Variants in PTER observed in about 807,000 individuals in gnomAD.
PTER encodes phosphotriesterase related.
Under a neutral mutation model 29.6 loss-of-function variants are expected in PTER, and 38 were observed. That is an observed-to-expected ratio of 1.28 (90% CI 0.99 to 1.68). The LOEUF is 1.68. Among genes scored for constraint, PTER ranks in the 40% most tolerant of loss-of-function variants. The probability of loss-of-function intolerance (pLI) is 0.00; values close to 1 mark genes in which losing one functional copy is unlikely to be tolerated. For synonymous variants in PTER, 172 were observed against 154.5 expected, an observed-to-expected ratio of 1.11 and a Z score of -0.84; for missense variants, 482 against 427.8, an observed-to-expected ratio of 1.13 and a Z score of -1.12.
At chr10:16,444,222 T>C (rs894064108) in intron 1 of PTER, among the ~76,000 whole-genome samples, 4 of 152,086 alleles carry the variant, frequency 2.6e-5, no homozygotes, top group African/African-American at 9.7e-5. Context: ...TCTCAATCTC[T>C]TGACTCGTGA....
rs955365453 is a variant in PTER, at chr10:16,512,718, A to C, written c.*1462A>C. On this transcript the variant is annotated 3_prime_UTR_variant, in exon 5 of 5. Coordinates refer to ENST00000535784, the MANE Select transcript of PTER (RefSeq NM_001261836.2). Reference sequence around the variant, plus strand: ...GAGAACAAACTAATTCCTTTAAATAAATAAAAAAAAAAAATGCAAATGTCC... The same window carrying C: ...GAGAACAAACTAATTCCTTTAAATACATAAAAAAAAAAAATGCAAATGTCC... The C allele has an allele frequency of 6.6e-6, 1 of 150,876 alleles. No individual in the cohort carries two copies. The highest frequency in any genetic ancestry group is 1.5e-5 in the Non-Finnish European group (1 of 67,464). 9.3% of individuals were successfully genotyped at this position (150,876 alleles called of 1,614,324 possible).
intron 1 of PTER, among the ~76,000 whole-genome samples, chr10:16,460,159 G>A (rs1432545670): frequency 6.6e-6 from 1 of 152,196 alleles, no homozygotes. Context: ...CAGTTAAAGG[G>A]CTTGTTTCGT....
intron 1 of PTER, among the ~76,000 whole-genome samples, chr10:16,460,146 C>G (rs1347598862): frequency 6.6e-6 from 1 of 152,210 alleles, no homozygotes; most frequent in Non-Finnish European, 1.5e-5. Context: ...GGAAAGCACA[C>G]TGCAGTTAAA....
At chr10:16,507,271 GTATA>G (rs990532249) in intron 4 of PTER, among the ~76,000 whole-genome samples, 1 of 151,240 alleles carries the variant, frequency 6.6e-6, no homozygotes, top group South Asian at 2.1e-4. Flanking sequence ...ATGTGTGTGT[GTATA>G]TATATACACA....
intron 3 of PTER, among the ~76,000 whole-genome samples, chr10:16,496,795 G>A (rs1439934098): frequency 1.3e-5 from 2 of 152,124 alleles, no homozygotes; most frequent in Non-Finnish European, 2.9e-5. Context: ...ACAATTTCTT[G>A]TTAAATGGAA....
At chr10:16,510,443 A>T (rs1368466224) in intron 4 of PTER, among the ~76,000 whole-genome samples, 1 of 152,240 alleles carries the variant, frequency 6.6e-6, no homozygotes, top group East Asian at 1.9e-4. Flanking sequence ...CAAAATTGCC[A>T]TAGACTTCAA....
intron 3 of PTER, among the ~76,000 whole-genome samples, chr10:16,497,274 A>T (rs1189880678): frequency 6.6e-6 from 1 of 152,180 alleles, no homozygotes; most frequent in African/African-American, 2.4e-5. Flanking sequence ...ACATTTGTCT[A>T]AATGGTGTCC....
At chr10:16,450,133 A>G (rs1486314955) in intron 1 of PTER, among the ~76,000 whole-genome samples, 2 of 152,270 alleles carry the variant, frequency 1.3e-5, no homozygotes, top group African/African-American at 2.4e-5. Flanking sequence ...AAGTAAAGCA[A>G]TTCTTCTGGA....
Position 16,477,258 on chromosome 10 carries a change from C to CGATAGATGATAGATA in PTER, c.-48-7072_-48-7071insGATAGATAGATAGAT, listed in dbSNP as rs1835304093. 1.1e-4 allele frequency among the ~76,000 whole-genome samples: 16 copies of CGATAGATGATAGATA among 148,002 alleles called. No homozygotes were observed. In the South Asian group the frequency reaches 3.2e-3, roughly 30 times the overall value. ...TGAACTGGAAATTCATTCTGTCTTT[C>CGATAGATGATAGATA]GATAGATAGATAGATAGATAGATAG... On this transcript the variant is annotated intron_variant, in intron 1 of 4. Transcript: ENST00000535784.
At chr10:16,505,305 A>G in intron 4 of PTER, 145 bp downstream of exon 4, 1 of 1,067,442 alleles carries the variant, frequency 9.4e-7, no homozygotes, top group Admixed American at 2.5e-5. Flanking sequence ...ATGCTGTTTC[A>G]GGGAGAAAAA....
intron 1 of PTER, among the ~76,000 whole-genome samples, chr10:16,470,939 A>G (rs551945865): frequency 6.6e-6 from 1 of 151,998 alleles, no homozygotes; most frequent in Non-Finnish European, 1.5e-5. Context: ...ACTTCCCTTC[A>G]CAACACCCCC....
chr10:16,516,900 A>G (rs993489991), downstream of PTER, among the ~76,000 whole-genome samples: 1 of 152,162 alleles, frequency 6.6e-6, no homozygotes, highest in Non-Finnish European at 1.5e-5. Context: ...ATTTTAACCT[A>G]TACTGTACCG....
intron 1 of PTER, among the ~76,000 whole-genome samples, chr10:16,468,636 G>A (rs1436728864): frequency 1.3e-5 from 2 of 152,132 alleles, no homozygotes; most frequent in Non-Finnish European, 2.9e-5. Context: ...AGGCAAAGAT[G>A]TGACTCACCG....
chr10:16,508,684 G>A (rs1836691381), intron 4 of PTER, among the ~76,000 whole-genome samples: 1 of 145,986 alleles, frequency 6.8e-6, no homozygotes, highest in African/African-American at 2.6e-5. Flanking sequence ...ATATAAATCT[G>A]TGTATATATA....
chr10:16,515,611 A>C (rs879577835), downstream of PTER, among the ~76,000 whole-genome samples: 1 of 152,156 alleles, frequency 6.6e-6, no homozygotes, highest in Non-Finnish European at 1.5e-5. Flanking sequence ...CTCATTAGTG[A>C]GTTGATAGAC....
downstream of PTER, chr10:16,514,628 G>T: frequency 6.2e-7 from 1 of 1,613,722 alleles, no homozygotes; most frequent in South Asian, 1.1e-5. Context: ...TTCATCTCCC[G>T]GCTCCAAATG....
At chr10:16,509,234 C>T (rs1836716802) in intron 4 of PTER, among the ~76,000 whole-genome samples, 1 of 152,114 alleles carries the variant, frequency 6.6e-6, no homozygotes, top group African/African-American at 2.4e-5. Context: ...CAGGACGGGG[C>T]AGGTTTTCTT....
chr10:16,509,679 G>C (rs1435045390), intron 4 of PTER, among the ~76,000 whole-genome samples: 2 of 152,108 alleles, frequency 1.3e-5, no homozygotes, highest in African/African-American at 4.8e-5. Context: ...ACTTATCTTA[G>C]ATAATTCCCC....
chr10:16,465,921 A>G (rs946679098), intron 1 of PTER, among the ~76,000 whole-genome samples: 3 of 152,134 alleles, frequency 2.0e-5, no homozygotes, highest in African/African-American at 7.2e-5. Context: ...TCTCATGAGA[A>G]CCCACTAACT....
Sources: allele counts gnomAD v4.1 joint callset (sites outside exome capture counted in the v4.1 genomes callset), GRCh38; gene constraint gnomAD v4.1.1; transcripts MANE v1.5; gene names NCBI Gene and HGNC (gene_info 2026-07-23, HGNC 2026-07-21).